Variants in CAMK2G observed in about 807,000 individuals in gnomAD.
The protein encoded by CAMK2G is calcium/calmodulin dependent protein kinase II gamma.
In CAMK2G, 23 loss-of-function variants were observed where a neutral mutation model predicts 88.7. That is an observed-to-expected ratio of 0.26 (90% CI 0.19 to 0.37). CAMK2G has a LOEUF of 0.37. Ranked by LOEUF, CAMK2G falls within the 10% of genes least tolerant of loss-of-function variation. CAMK2G has a pLI of 1.00. For missense variants in CAMK2G, 476 were observed against 780.8 expected, an observed-to-expected ratio of 0.61 and a Z score of 4.65; for synonymous variants, 263 against 294.8, an observed-to-expected ratio of 0.89 and a Z score of 1.11.
At chr10:73,854,231 G>A (rs1347359017) in intron 3 of CAMK2G, among the ~76,000 whole-genome samples, 2 of 152,188 alleles carry the variant, frequency 1.3e-5, no homozygotes, top group African/African-American at 4.8e-5. Context: ...GTCCGGGAGG[G>A]TGCCACTGGA....
rs1033522582 is a variant in CAMK2G, at chr10:73,852,944, C to T, written c.275+248G>A. 4 of 560,660 alleles carry T rather than the reference C, an allele frequency of 7.1e-6. 1 individual carries two copies. Among genetic ancestry groups the T allele is most frequent in the Non-Finnish European group, 6.4e-6 (2 of 314,896 alleles). 34.7% of individuals were successfully genotyped at this position (560,660 alleles called of 1,614,324 possible). ...GAGAAACAAGACAAAGGCATCTGTG[C>T]AAGGCGTGCTGCTGAACAGAAGTGC... On this transcript the variant is annotated intron_variant, in intron 4 of 22. Coordinates refer to ENST00000423381, the MANE Select transcript of CAMK2G (RefSeq NM_001367534.1).
At position 73,825,345 on chromosome 10, in the gene CAMK2G, T is replaced by C. The variant is rs138323171; in HGVS notation, c.1089A>G (p.Pro363=). The C allele has an allele frequency of 1.3e-5, 21 of 1,613,582 alleles. No homozygotes were observed. The highest frequency in any genetic ancestry group is 1.8e-5 in the Non-Finnish European group (21 of 1,179,484). Residue 363 remains proline, a splice_region_variant and synonymous_variant, in exon 16 of 23, where the codon CCA becomes CCG. Coordinates refer to ENST00000423381, the MANE Select transcript of CAMK2G (RefSeq NM_001367534.1). ...RKSSSSVHLM[P]QSNNKNSLVS... is the part of the protein sequence containing the mutation. ...CGAGACTGTTTTTGTTGTTGCTCTG[T>C]GGCTGAGACAAGAAAACAGATGGTT...
intron 14 of CAMK2G, among the ~76,000 whole-genome samples, chr10:73,836,329 C>G (rs567229596): frequency 6.6e-6 from 1 of 152,288 alleles, no homozygotes; most frequent in South Asian, 2.1e-4. Flanking sequence ...AGCCACACCC[C>G]CTCTTACACC....
chr10:73,852,834 C>T (rs2094730082), intron 4 of CAMK2G: 1 of 281,022 alleles, frequency 3.6e-6, no homozygotes, highest in South Asian at 5.8e-5. Flanking sequence ...TGGTTTCCGA[C>T]TAATGAAAGC....
At chr10:73,855,304 T>C (rs1320007594) in intron 3 of CAMK2G, among the ~76,000 whole-genome samples, 1 of 152,166 alleles carries the variant, frequency 6.6e-6, no homozygotes, top group Non-Finnish European at 1.5e-5. Context: ...AATTTGCTAT[T>C]AAAAAGCATT....
intron 14 of CAMK2G, among the ~76,000 whole-genome samples, chr10:73,831,591 C>T: frequency 6.7e-6 from 1 of 149,592 alleles, no homozygotes; most frequent in African/African-American, 2.5e-5. Flanking sequence ...CATTATAGGC[C>T]AGGCGTGGTG....
Position 73,817,088 on chromosome 10 carries a change from A to G in CAMK2G, c.1469T>C (p.Phe490Ser). The G allele has an allele frequency of 6.2e-7, 1 of 1,613,700 alleles. No individual in the cohort carries two copies. Among genetic ancestry groups the G allele is most frequent in the Non-Finnish European group, 8.5e-7 (1 of 1,179,652 alleles). ...TKICDPGLTS[F>S]EPEALGNLVE... The stretch of plus-strand genomic sequence containing the variant: ...GAGGTTACCAAGGGCCTCAGGCTCA[A>G]AGGAAGTGAGGCCTGGATCACAAAT... The change falls in exon 21 of 23, where the codon TTT (phenylalanine) becomes TCT (serine). Residue 490 changes from phenylalanine to serine, a missense_variant. Transcript: ENST00000423381.
At position 73,852,173 on chromosome 10, in the gene CAMK2G, T is replaced by C. The variant is rs2094677782; in HGVS notation, c.341+81A>G. The C allele has an allele frequency of 2.1e-5, 21 of 1,007,610 alleles. 3 individuals carry two copies. The South Asian group carries it at 2.3e-4, about 11-fold the overall frequency. The allele number at this position is 1,007,610 out of a possible 1,614,324, so 62.4% of individuals were successfully genotyped here. On this transcript the variant is annotated intron_variant, in intron 5 of 22. Transcript: ENST00000423381. The stretch of plus-strand genomic sequence containing the variant: ...CCAAAGACTATTCAAACAGGTACAA[T>C]GCTGGACCCCGAAGGTGGCCAAGAC...
intron 10 of CAMK2G, among the ~76,000 whole-genome samples, chr10:73,844,202 T>C (rs2094045647): frequency 6.6e-6 from 1 of 150,752 alleles, no homozygotes; most frequent in South Asian, 2.1e-4. Flanking sequence ...CAGGTGATCC[T>C]CTCATCTCAG....
chr10:73,825,388 C>T (rs779719786), intron 15 of CAMK2G, 41 bp from the exon 16 acceptor site: 3 of 1,521,602 alleles, frequency 2.0e-6, no homozygotes, highest in Non-Finnish European at 1.8e-6. Context: ...TCCAGAGTCC[C>T]CAAGGCCACT....
At chr10:73,825,562 G>C (rs567915569) in intron 15 of CAMK2G, among the ~76,000 whole-genome samples, 2 of 152,294 alleles carry the variant, frequency 1.3e-5, no homozygotes, top group Admixed American at 1.3e-4. Flanking sequence ...CCCTCAAGGT[G>C]GGACCAGCCC....
chr10:73,839,561 G>C lies in CAMK2G; in HGVS notation c.987C>G (p.Ser329Arg). ...QSSAPASPAA[S>R]AAGLAGQAAK... ...TACCTTGCCCGGCCAGGCCGGCGGC[G>C]CTCGCGGCAGGCGAGGCGGGGGCGG... Residue 329 changes from serine (S) to arginine (R), a missense_variant, in exon 13 of 23, where the codon AGC (serine) becomes AGG (arginine). Around this residue, in one of 3 missense-constraint regions of CAMK2G, gnomAD observed 278 missense variants for 366.5 expected, o/e 0.76. Transcript: ENST00000423381. This position sits in a 1 kb window ranked among gnomAD's most constrained non-coding sequence, Gnocchi z 4.2. 8.1e-7 allele frequency: 1 copy of C among 1,234,968 alleles called. No homozygotes were observed. The highest frequency in any genetic ancestry group is 1.0e-6 in the Non-Finnish European group (1 of 987,860). The allele number at this position is 1,234,968 out of a possible 1,614,324, so 76.5% of individuals were successfully genotyped here. A position where few individuals can be genotyped will look rare whatever the true frequency, so the allele number is the denominator to read the frequency against.
chr10:73,826,651 C>A (rs2091039434), intron 15 of CAMK2G, among the ~76,000 whole-genome samples: 1 of 152,190 alleles, frequency 6.6e-6, no homozygotes, highest in African/African-American at 2.4e-5. Flanking sequence ...CTGATGCCTG[C>A]AAGTTCTTCA....
chr10:73,864,428 G>A (rs972774250), intron 2 of CAMK2G, among the ~76,000 whole-genome samples: 2 of 152,180 alleles, frequency 1.3e-5, no homozygotes, highest in African/African-American at 4.8e-5. Flanking sequence ...GGTTGTGTAT[G>A]GGGGAGGGAT....
At chr10:73,867,360 C>T (rs748742398) in intron 2 of CAMK2G, among the ~76,000 whole-genome samples, 1 of 152,254 alleles carries the variant, frequency 6.6e-6, no homozygotes, top group Non-Finnish European at 1.5e-5. Context: ...ACTCTGGCTG[C>T]TCTCAAGGGC....
At chr10:73,826,923 A>G (rs1343568900) in intron 15 of CAMK2G, among the ~76,000 whole-genome samples, 1 of 152,182 alleles carries the variant, frequency 6.6e-6, no homozygotes, top group African/African-American at 2.4e-5. Context: ...AAGACTCCAC[A>G]GACTGCGACA....
At chr10:73,872,306 C>CTCGGAGGCAGTGTAGT (rs1934747194) in intron 2 of CAMK2G, among the ~76,000 whole-genome samples, 1 of 151,780 alleles carries the variant, frequency 6.6e-6, no homozygotes, top group Non-Finnish European at 1.5e-5. Flanking sequence ...GCTCCTCAGA[C>CTCGGAGGCAGTGTAGT]TCGGAGGCAG....
chr10:73,851,978 C>T (rs2094660212), intron 5 of CAMK2G, among the ~76,000 whole-genome samples: 1 of 152,086 alleles, frequency 6.6e-6, no homozygotes, highest in Non-Finnish European at 1.5e-5. Flanking sequence ...AACTTCTGAC[C>T]TCAGGTGATC....
In CAMK2G at chr10:73,838,310, G is replaced by A. The variant is rs183243067; in HGVS notation, c.1010-799C>T. Among the ~76,000 whole-genome samples the A allele has an allele frequency of 4.6e-4, 70 of 152,304 alleles. 1 individual carries two copies. In the Middle Eastern group the frequency reaches 0.01, roughly 22 times the overall value. ...ACAGGGAGATGGAATCAGCCCAACT[G>A]TCTGATACACCTGGACTGCCTGCCC... is the stretch of plus-strand genomic sequence containing the variant. On this transcript the variant is annotated intron_variant, in intron 13 of 22. Coordinates refer to ENST00000423381, the MANE Select transcript of CAMK2G (RefSeq NM_001367534.1).
Sources: allele counts gnomAD v4.1 joint callset (sites outside exome capture counted in the v4.1 genomes callset), GRCh38; gene constraint gnomAD v4.1.1; regional missense constraint gnomAD v4.1.1; non-coding constraint Gnocchi (gnomAD v3.1); transcripts MANE v1.5; gene names NCBI Gene and HGNC (gene_info 2026-07-23, HGNC 2026-07-21).